Variants in DNAJC24 observed in about 807,000 individuals in gnomAD.
DNAJC24 encodes the protein DnaJ heat shock protein family (Hsp40) member C24.
In DNAJC24, 17 loss-of-function variants were observed where a neutral mutation model predicts 18.0. The ratio of observed to expected loss-of-function variants is 0.94; its 90% confidence interval spans 0.65 to 1.42. The LOEUF is 1.42. Among genes scored for constraint, DNAJC24 ranks in the 40% most tolerant of loss-of-function variants. The probability of loss-of-function intolerance (pLI) is 0.00; values close to 1 mark genes in which losing one functional copy is unlikely to be tolerated. For missense variants in DNAJC24, 158 were observed against 175.6 expected (o/e 0.90, Z 0.57); for synonymous variants, 55 against 57.7 (o/e 0.95, Z 0.21).
At chr11:31,392,709 CTTT>C (rs1194936438) in intron 2 of DNAJC24, among the ~76,000 whole-genome samples, 2 of 129,314 alleles carry the variant, frequency 1.5e-5, no homozygotes, top group Admixed American at 7.8e-5. Context: ...TCACAATTTT[CTTT>C]TTTTTTTTTT....
intron 2 of DNAJC24, among the ~76,000 whole-genome samples, chr11:31,378,571 T>G (rs1456412246): frequency 6.6e-6 from 1 of 152,034 alleles, no homozygotes; most frequent in African/African-American, 2.4e-5. Flanking sequence ...ACATACTGAC[T>G]AGCAGCAAGA....
intron 2 of DNAJC24, 113 bp from the exon 3 acceptor site, chr11:31,414,698 G>T: frequency 8.5e-7 from 1 of 1,179,194 alleles, no homozygotes; most frequent in Non-Finnish European, 1.2e-6. Flanking sequence ...TTGGCATTTG[G>T]TTTTCATCTT....
rs1952907503 is a variant in DNAJC24, at chr11:31,430,312, T to C, written c.361T>C (p.Tyr121His). The C allele has an allele frequency of 6.2e-7, 1 of 1,611,146 alleles. No homozygotes were observed. Among genetic ancestry groups the C allele is most frequent in the Non-Finnish European group, 8.5e-7 (1 of 1,177,950 alleles). Residue 121 changes from tyrosine to histidine, a missense_variant, in exon 5 of 5, where the codon TAC (tyrosine) becomes CAC (histidine). By Grantham distance (83) the Tyr-to-His change is moderately conservative. Transcript: ENST00000465995. ...TCTGAGTTGCAGATGTGGTGGAAAATACAGTGTTTCCAAGGATGAAGCGGA... is the reference window on the plus strand; with the variant it reads ...TCTGAGTTGCAGATGTGGTGGAAAACACAGTGTTTCCAAGGATGAAGCGGA... ...FYLSCRCGGK[Y>H]SVSKDEAEEV...
At chr11:31,407,919 AAAAT>A (rs1952671957) in intron 2 of DNAJC24, among the ~76,000 whole-genome samples, 3 of 151,078 alleles carry the variant, frequency 2.0e-5, no homozygotes, top group South Asian at 4.2e-4. Flanking sequence ...TAAAAAAAAA[AAAAT>A]AAACAGGTTA....
intron 3 of DNAJC24, 85 bp from the exon 4 acceptor site, chr11:31,426,202 G>C: frequency 2.4e-6 from 2 of 826,506 alleles, no homozygotes; most frequent in Non-Finnish European, 3.9e-6. Context: ...TAGTGGCCAG[G>C]CTGGCGTTGC....
At chr11:31,428,094 A>G (rs1223075) in intron 4 of DNAJC24, 58,401 of 151,786 alleles carry the variant, frequency 0.38, 14,500 homozygotes, top group African/African-American at 0.71. Flanking sequence ...GCATCTGTCC[A>G]GTCAATAAAT....
intron 4 of DNAJC24, among the ~76,000 whole-genome samples, chr11:31,428,208 C>G (rs932013342): frequency 6.6e-6 from 1 of 151,960 alleles, no homozygotes; most frequent in Admixed American, 6.6e-5. Flanking sequence ...CCTGGAACTC[C>G]CTAAAGTAAA....
intron 2 of DNAJC24, among the ~76,000 whole-genome samples, chr11:31,387,080 G>A (rs575479185): frequency 2.6e-5 from 4 of 152,310 alleles, no homozygotes; most frequent in African/African-American, 9.6e-5. Flanking sequence ...CTCAGCTACA[G>A]TACAATAGAG....
intron 2 of DNAJC24, among the ~76,000 whole-genome samples, chr11:31,398,769 G>C (rs991089201): frequency 6.6e-6 from 1 of 152,194 alleles, no homozygotes; most frequent in African/African-American, 2.4e-5. Context: ...ATTAGTACCT[G>C]ATGGCCTTGG....
At chr11:31,396,540 T>C in intron 2 of DNAJC24, 1 of 222,268 alleles carries the variant, frequency 4.5e-6, no homozygotes, top group East Asian at 1.1e-4. Flanking sequence ...GTCCCCTGCT[T>C]CCTATGTTTC....
intron 2 of DNAJC24, among the ~76,000 whole-genome samples, chr11:31,386,518 C>T (rs1476578827): frequency 6.6e-6 from 1 of 151,932 alleles, no homozygotes; most frequent in Non-Finnish European, 1.5e-5. Context: ...AACCTTCTGC[C>T]TTGAAGGGAA....
chr11:31,419,705 T>C (rs1201589183), intron 3 of DNAJC24, among the ~76,000 whole-genome samples: 1 of 152,038 alleles, frequency 6.6e-6, no homozygotes, highest in Non-Finnish European at 1.5e-5. Context: ...CTTGACCCAA[T>C]TGAAATCAGT....
At chr11:31,379,578 T>C (rs1477400065) in intron 2 of DNAJC24, among the ~76,000 whole-genome samples, 3 of 152,206 alleles carry the variant, frequency 2.0e-5, no homozygotes, top group African/African-American at 7.2e-5. Flanking sequence ...GGATGCAATT[T>C]AAACAGAACA....
At chr11:31,413,595 G>A (rs1178922552) in intron 2 of DNAJC24, among the ~76,000 whole-genome samples, 2 of 151,992 alleles carry the variant, frequency 1.3e-5, no homozygotes, top group Non-Finnish European at 2.9e-5. Flanking sequence ...GCCTCCCTAA[G>A]TGCTGGTATT....
At position 31,432,626 on chromosome 11, in the gene DNAJC24, A is replaced by G. The variant is rs372250112; in HGVS notation, c.*2225A>G. On this transcript the variant is annotated 3_prime_UTR_variant, in exon 5 of 5. Coordinates refer to ENST00000465995, the MANE Select transcript of DNAJC24 (RefSeq NM_181706.5). ...GTGAAAGTAATGTTATAGTATCATC[A>G]TATTCCCTTTTGCTATCTGTCCCTT... is the stretch of plus-strand genomic sequence containing the variant. 5.7e-5 allele frequency: 64 copies of G among 1,128,244 alleles called. No individual in the cohort carries two copies. The highest frequency in any genetic ancestry group is 7.6e-5 in the Non-Finnish European group (56 of 737,888). 69.9% of individuals were successfully genotyped at this position (1,128,244 alleles called of 1,614,324 possible).
rs372884362 is a variant in DNAJC24, at chr11:31,431,131, A to G, written c.*730A>G. On this transcript the variant is annotated 3_prime_UTR_variant, in exon 5 of 5. Transcript: ENST00000465995. ...GTCTCCTGGGTTCAAGTGATTCTCC[A>G]GCCTCAGCCTCCCGAATAGCTGGGA... The G allele has an allele frequency of 1.3e-5, 2 of 152,026 alleles. No homozygotes were observed. The highest frequency in any genetic ancestry group is 1.3e-4 in the Admixed American group (2 of 15,244). 9.4% of individuals were successfully genotyped at this position (152,026 alleles called of 1,614,324 possible).
intron 4 of DNAJC24, among the ~76,000 whole-genome samples, chr11:31,429,081 G>A (rs1371255109): frequency 1.3e-5 from 2 of 152,090 alleles, no homozygotes; most frequent in African/African-American, 4.8e-5. Context: ...AGAACATGCT[G>A]TAGTACATAG....
intron 1 of DNAJC24, among the ~76,000 whole-genome samples, chr11:31,370,389 G>A (rs1302339650): frequency 1.3e-5 from 2 of 152,050 alleles, no homozygotes; most frequent in Admixed American, 1.3e-4. Flanking sequence ...GCTTACTTGT[G>A]TGCCAGTTTT....
intron 2 of DNAJC24, among the ~76,000 whole-genome samples, chr11:31,407,817 A>C (rs141204251): frequency 8.7e-4 from 131 of 150,172 alleles, no homozygotes; most frequent in African/African-American, 3.1e-3. Flanking sequence ...TTCATTTCTT[A>C]GTTGAAAAAC....
Sources: gnomAD v4.1 joint callset for allele counts (sites outside exome capture counted in the v4.1 genomes callset) on GRCh38, gnomAD v4.1.1 for gene constraint, MANE v1.5 for transcripts, NCBI Gene and HGNC (gene_info 2026-07-23, HGNC 2026-07-21) for gene names.